The following MCM3AP variants were observed in gnomAD, a reference collection of about 807,000 sequenced individuals.
MCM3AP encodes the protein germinal-center associated nuclear protein.
In MCM3AP, 126 loss-of-function variants were observed where a neutral mutation model predicts 184.1. That is an observed-to-expected ratio of 0.68 (90% CI 0.59 to 0.79). MCM3AP has a LOEUF of 0.79. MCM3AP is among the 30% of genes least tolerant of loss of function. MCM3AP has a pLI of 0.00. For synonymous variants in MCM3AP, 1,002 were observed against 979.3 expected, an observed-to-expected ratio of 1.02 and a Z score of -0.43; for missense variants, 2,496 against 2,479.2, an observed-to-expected ratio of 1.01 and a Z score of -0.14.
intron 19 of MCM3AP, 199 bp from the exon 20 acceptor site, chr21:46,251,881 C>T (rs934386363): frequency 2.2e-3 from 278 of 127,674 alleles, no homozygotes; most frequent in Middle Eastern, 8.9e-3. Flanking sequence ...TGTACTCGTT[C>T]TTTTTTTTTT....
chr21:46,273,147 G>GT (rs2145696916), intron 7 of MCM3AP, among the ~76,000 whole-genome samples: 1 of 152,184 alleles, frequency 6.6e-6, no homozygotes, highest in Admixed American at 6.5e-5. Flanking sequence ...GCTAATTTTT[G>GT]TATTTTCAGT....
rs767610764 is a variant in MCM3AP, at chr21:46,283,775, C to A, written c.1283G>T (p.Gly428Val). ...NRSESTDSLG[G>V]LSPSEVTAIQ... is the part of the protein sequence containing the mutation. ...GGCTGTGACTTCAGAGGGAGACAAG[C>A]CCCCAAGACTGTCTGTGCTCTCGCT... is the stretch of plus-strand genomic sequence containing the variant. Residue 428 changes from glycine to valine, a missense_variant, in exon 2 of 28, where the codon GGC (glycine) becomes GTC (valine). This residue lies in a region of MCM3AP where 800 missense variants were observed against 717.1 expected (regional missense o/e 1.12). Transcript: ENST00000291688. The A allele has an allele frequency of 1.9e-6, 3 of 1,614,080 alleles. No homozygotes were observed. The highest frequency in any genetic ancestry group is 4.5e-5 in the East Asian group (2 of 44,882).
intron 1 of MCM3AP, 58 bp from the exon 2 acceptor site, chr21:46,283,896 C>T (rs1401583494): frequency 2.6e-6 from 4 of 1,557,800 alleles, no homozygotes; most frequent in African/African-American, 2.7e-5. Flanking sequence ...ACAGGAGGCA[C>T]CAACTGTGTC....
chr21:46,243,813 G>C, intron 23 of MCM3AP, 91 bp from the exon 24 acceptor site: 1 of 1,304,280 alleles, frequency 7.7e-7, no homozygotes, highest in Non-Finnish European at 1.1e-6. Flanking sequence ...AGGCAACTGT[G>C]AAGTTGAGAA....
chr21:46,285,396 T>C lies in MCM3AP; in HGVS notation c.-110A>G. On this transcript the variant is annotated 5_prime_UTR_variant, in exon 1 of 28. Coordinates refer to ENST00000291688, the MANE Select transcript of MCM3AP (RefSeq NM_003906.5). Reference sequence around the variant, plus strand: ...GTTCCCCTTCGTCTTTAGAACAAGCTGAAAGAGAAAAATTCAGATCATCAT... The same window carrying C: ...GTTCCCCTTCGTCTTTAGAACAAGCCGAAAGAGAAAAATTCAGATCATCAT... 7 of 728,504 alleles carry C rather than the reference T, an allele frequency of 9.6e-6. No individual in the cohort carries two copies. In the South Asian group the frequency reaches 1.2e-4, roughly 13 times the overall value. The allele number at this position is 728,504 out of a possible 1,614,324, so 45.1% of individuals were successfully genotyped here.
rs1173165733 is a variant in MCM3AP, at chr21:46,235,185, G to C, written c.*83C>G. The C allele has an allele frequency of 5.2e-6, 7 of 1,343,002 alleles. No homozygotes were observed. The highest frequency in any genetic ancestry group is 1.9e-5 in the Admixed American group (1 of 53,580). 83.2% of individuals were successfully genotyped at this position (1,343,002 alleles called of 1,614,324 possible). On this transcript the variant is annotated 3_prime_UTR_variant, in exon 28 of 28. Transcript: ENST00000291688. ...TTAAATTAATCACATTTCCAACAGT[G>C]CATCAAGCATCTGAGAATAACATTA... is the stretch of plus-strand genomic sequence containing the variant.
intron 8 of MCM3AP, 28 bp from the exon 9 acceptor site, chr21:46,270,591 T>C: frequency 1.3e-6 from 2 of 1,549,790 alleles, no homozygotes; most frequent in Non-Finnish European, 1.7e-6. Flanking sequence ...GAAAAGGGGT[T>C]GGAATGTTAT....
Position 46,256,875 on chromosome 21 carries a change from G to A in MCM3AP, c.3846C>T (p.Ser1282=), listed in dbSNP as rs762695837. The A allele has an allele frequency of 4.4e-6, 7 of 1,594,258 alleles. No individual in the cohort carries two copies. Among genetic ancestry groups the A allele is most frequent in the Middle Eastern group, 1.7e-4 (1 of 5,892 alleles). The change falls in exon 17 of 28, where the codon AGC becomes AGT. Residue 1282 remains serine (S), a synonymous_variant. Transcript: ENST00000291688. ...VSDRLRALAP[S]AECPIAEENL... The stretch of plus-strand genomic sequence containing the variant: ...TCTCTTCAGCAATGGGGCACTCTGC[G>A]CTGGGCGCCAGCGCCCTCAGCCGGT...
At chr21:46,280,897 C>G (rs189967266) in intron 2 of MCM3AP, among the ~76,000 whole-genome samples, 40 of 152,112 alleles carry the variant, frequency 2.6e-4, no homozygotes, top group Non-Finnish European at 5.1e-4. Flanking sequence ...TCTCCACCTT[C>G]AGGGTTCATG....
intron 13 of MCM3AP, among the ~76,000 whole-genome samples, chr21:46,263,780 C>CAAAAAAAAAAAAAAAAAAAAAAAA (rs57674256): frequency 1.1e-4 from 3 of 28,318 alleles, no homozygotes; most frequent in African/African-American, 3.6e-4. Context: ...GACTCCATCT[C>CAAAAAAAAAAAAAAAAAAAAAAAA]AAAAAAAAAA....
intron 20 of MCM3AP, chr21:46,250,417 T>G (rs911554490): frequency 6.6e-6 from 1 of 152,284 alleles, no homozygotes; most frequent in African/African-American, 2.4e-5. Context: ...TCCTGCCCCG[T>G]GAGCTGGGCC....
intron 13 of MCM3AP, among the ~76,000 whole-genome samples, chr21:46,261,665 G>C (rs540046845): frequency 4.6e-5 from 7 of 151,470 alleles, no homozygotes; most frequent in Admixed American, 4.6e-4. Context: ...CCTGGGAGCG[G>C]GAGACTGCAG....
Position 46,285,444 on chromosome 21 carries a change from A to G in MCM3AP, c.-158T>C. The G allele has an allele frequency of 1.6e-6, 1 of 608,172 alleles. No homozygotes were observed. The highest frequency in any genetic ancestry group is 2.9e-6 in the Non-Finnish European group (1 of 343,936). The allele number at this position is 608,172 out of a possible 1,614,324, so 37.7% of individuals were successfully genotyped here. A position where few individuals can be genotyped will look rare whatever the true frequency, so the allele number is the denominator to read the frequency against. ...CATAGCTATGTTCTGCTACAAGTCTAAGAAAAGAATTTTTGAACACTGTCA... is the reference window on the plus strand; with the variant it reads ...CATAGCTATGTTCTGCTACAAGTCTGAGAAAAGAATTTTTGAACACTGTCA... On this transcript the variant is annotated 5_prime_UTR_variant, in exon 1 of 28. Coordinates refer to ENST00000291688, the MANE Select transcript of MCM3AP (RefSeq NM_003906.5).
In MCM3AP at chr21:46,240,818, TCTC is replaced by T; in HGVS notation, c.5623_5625del (p.Glu1875del). ...GAAGGAAGTGGGCTTCACCTCTTGT[TCTC>T]TTCTTTCTCCAGCAGCAGACTGCTC... On this transcript the variant is annotated inframe_deletion, in exon 26 of 28. Transcript: ENST00000291688. The T allele has an allele frequency of 6.2e-7, 1 of 1,614,014 alleles. No homozygotes were observed. Among genetic ancestry groups the T allele is most frequent in the Non-Finnish European group, 8.5e-7 (1 of 1,179,986 alleles).
At chr21:46,254,163 T>C in intron 19 of MCM3AP, 4 of 571,586 alleles carry the variant, frequency 7.0e-6, no homozygotes, top group African/African-American at 1.9e-5. Context: ...TTTAAAGCAG[T>C]GTGAGAACGG....
At position 46,267,055 on chromosome 21, in the gene MCM3AP, G is replaced by A. The variant is rs748866408; in HGVS notation, c.2716C>T (p.Arg906Cys). ...TCACAGTCTCTGAACAGCAGCATGC[G>A]CACCACACCATCCAGGGGAAAGATG... ...STIFPLDGVVRMLLFRDCEEA... is the reference protein window; with the variant it reads ...STIFPLDGVVCMLLFRDCEEA... The change falls in exon 10 of 28, where the codon CGC becomes TGC. Residue 906 changes from arginine to cysteine, a missense_variant. Around this residue, in one of 5 missense-constraint regions of MCM3AP, gnomAD observed 138 missense variants for 191.9 expected, o/e 0.72. Coordinates refer to ENST00000291688, the MANE Select transcript of MCM3AP (RefSeq NM_003906.5). 7 of 1,614,056 alleles carry A rather than the reference G, an allele frequency of 4.3e-6. No homozygotes were observed. The highest frequency in any genetic ancestry group is 3.3e-5 in the Admixed American group (2 of 60,006).
chr21:46,281,041 G>A (rs1323040032), intron 2 of MCM3AP, among the ~76,000 whole-genome samples: 3 of 152,164 alleles, frequency 2.0e-5, no homozygotes, highest in African/African-American at 4.8e-5. Flanking sequence ...CCTGACCTCA[G>A]GTGATCCGCC....
At chr21:46,277,163 G>A (rs2081266519) in intron 5 of MCM3AP, among the ~76,000 whole-genome samples, 1 of 152,064 alleles carries the variant, frequency 6.6e-6, no homozygotes, top group Admixed American at 6.6e-5. Flanking sequence ...CTTTTTAGTA[G>A]GTAATACATT....
At chr21:46,260,090 G>C (rs956541197) in intron 15 of MCM3AP, among the ~76,000 whole-genome samples, 1 of 151,770 alleles carries the variant, frequency 6.6e-6, no homozygotes, top group Non-Finnish European at 1.5e-5. Context: ...AAAAAAAAGT[G>C]CAAGAGTCTG....
Sources: allele counts gnomAD v4.1 joint callset (sites outside exome capture counted in the v4.1 genomes callset), GRCh38; gene constraint gnomAD v4.1.1; regional missense constraint gnomAD v4.1.1; transcripts MANE v1.5; gene names NCBI Gene and HGNC (gene_info 2026-07-23, HGNC 2026-07-21).